Variants in ADORA2B observed in about 807,000 individuals in gnomAD.
ADORA2B encodes the protein adenosine receptor A2b.
In ADORA2B, 18 loss-of-function variants were observed where a neutral mutation model predicts 20.8. That is an observed-to-expected ratio of 0.87 (90% CI 0.60 to 1.29). The LOEUF (loss-of-function observed/expected upper bound fraction) is 1.29, where lower values mean the gene tolerates loss of function less well. Among genes scored for constraint, ADORA2B ranks in the 50% most tolerant of loss-of-function variants. The pLI is 0.00. For synonymous variants in ADORA2B, 179 were observed against 178.3 expected, an observed-to-expected ratio of 1.00 and a Z score of -0.03; for missense variants, 441 against 422.7, an observed-to-expected ratio of 1.04 and a Z score of -0.38.
chr17:15,862,201 CTTTTCTTTTCTTTTT>C, the ADORA2B span, among the ~76,000 whole-genome samples: 1 of 121,486 alleles, frequency 8.2e-6, no homozygotes, highest in Non-Finnish European at 1.6e-5. Context: ...TTTTTCTTTT[CTTTTCTTTTCTTTTT>C]TTTTTTTTTT....
At chr17:15,874,054 A>ATG in the ADORA2B span, among the ~76,000 whole-genome samples, 6 of 118,246 alleles carry the variant, frequency 5.1e-5, no homozygotes, top group African/African-American at 2.1e-4. Context: ...ATATATATAT[A>ATG]TATATGTGTG....
the ADORA2B span, among the ~76,000 whole-genome samples, chr17:15,879,568 T>C: frequency 9.6e-3 from 1,454 of 150,896 alleles, 30 homozygotes; most frequent in African/African-American, 0.033. Flanking sequence ...GACGGAGTCT[T>C]GCTCTGTCAC....
the ADORA2B span, among the ~76,000 whole-genome samples, chr17:15,880,117 G>A: frequency 2.8e-5 from 4 of 143,986 alleles, no homozygotes; most frequent in Non-Finnish European, 6.1e-5. Flanking sequence ...TCTGAGGCCC[G>A]CCATCGACCC....
the ADORA2B span, among the ~76,000 whole-genome samples, chr17:15,918,553 C>G: frequency 3.9e-5 from 6 of 152,178 alleles, no homozygotes; most frequent in African/African-American, 1.2e-4. Context: ...CTCACTGCAA[C>G]CTCCGCCTTC....
At chr17:15,920,473 A>C in the ADORA2B span, among the ~76,000 whole-genome samples, 1 of 152,230 alleles carries the variant, frequency 6.6e-6, no homozygotes, top group South Asian at 2.1e-4. Flanking sequence ...CTGTAATCCC[A>C]GCACTTTGGG....
chr17:15,905,135 G>T, the ADORA2B span, among the ~76,000 whole-genome samples: 1 of 152,248 alleles, frequency 6.6e-6, no homozygotes, highest in Admixed American at 6.5e-5. Flanking sequence ...ACTGACACCT[G>T]AACAGTGTTC....
At chr17:15,905,765 C>T in the ADORA2B span, among the ~76,000 whole-genome samples, 1 of 152,140 alleles carries the variant, frequency 6.6e-6, no homozygotes, top group Non-Finnish European at 1.5e-5. Context: ...AAGCAATTCT[C>T]CTGCCTCAGC....
chr17:15,857,201 G>A, the ADORA2B span, among the ~76,000 whole-genome samples: 1 of 152,248 alleles, frequency 6.6e-6, no homozygotes, highest in Non-Finnish European at 1.5e-5. Context: ...TCCATGTGGT[G>A]TTGGGCCTGT....
the ADORA2B span, among the ~76,000 whole-genome samples, chr17:15,900,185 T>C: frequency 6.6e-6 from 1 of 152,230 alleles, no homozygotes; most frequent in Non-Finnish European, 1.5e-5. Flanking sequence ...TGATTCCATG[T>C]CTTTGCTATT....
chr17:15,931,913 G>A, the ADORA2B span, among the ~76,000 whole-genome samples: 1 of 151,666 alleles, frequency 6.6e-6, no homozygotes, highest in Non-Finnish European at 1.5e-5. Context: ...TGTATTTTTA[G>A]TAGAGATGGG....
chr17:15,875,097 C>T, the ADORA2B span, among the ~76,000 whole-genome samples: 2 of 151,970 alleles, frequency 1.3e-5, no homozygotes, highest in Non-Finnish European at 2.9e-5. Context: ...TTTGCATGTT[C>T]TTCTTTTTTC....
At chr17:15,955,015 T>A (rs1969949396) in intron 1 of ADORA2B, among the ~76,000 whole-genome samples, 1 of 152,188 alleles carries the variant, frequency 6.6e-6, no homozygotes, top group Non-Finnish European at 1.5e-5. Flanking sequence ...TTTTTTTCAT[T>A]GAGGATGGCA....
chr17:15,926,717 A>G, the ADORA2B span, among the ~76,000 whole-genome samples: 2 of 152,132 alleles, frequency 1.3e-5, no homozygotes, highest in African/African-American at 4.8e-5. Context: ...ATTTCTAAAC[A>G]GTTTTTTTGT....
At chr17:15,913,061 C>T in the ADORA2B span, among the ~76,000 whole-genome samples, 1 of 152,214 alleles carries the variant, frequency 6.6e-6, no homozygotes, top group Non-Finnish European at 1.5e-5. Context: ...AGGCTCCCAA[C>T]GTGCCCCCTG....
At chr17:15,883,333 G>A in the ADORA2B span, among the ~76,000 whole-genome samples, 11 of 152,142 alleles carry the variant, frequency 7.2e-5, no homozygotes, top group Non-Finnish European at 1.5e-4. Flanking sequence ...ACATTATAAT[G>A]TGAACAAAAT....
chr17:15,916,563 G>A, the ADORA2B span, among the ~76,000 whole-genome samples: 1 of 152,048 alleles, frequency 6.6e-6, no homozygotes, highest in African/African-American at 2.4e-5. Context: ...CTCCTGCGTC[G>A]GTAATTAGAA....
At chr17:15,878,867 T>C in the ADORA2B span, among the ~76,000 whole-genome samples, 1 of 152,210 alleles carries the variant, frequency 6.6e-6, no homozygotes, top group Non-Finnish European at 1.5e-5. Flanking sequence ...AACTTATTTA[T>C]GTAATTAATA....
rs145290404 is a variant in ADORA2B, at chr17:15,950,887, TTACCGCCA to T, written c.335+5306_335+5313del. On this transcript the variant is annotated intron_variant, in intron 1 of 1. Transcript: ENST00000304222. ...GAGGCTTCTCAGCCACTGCATTGGT[TTACCGCCA>T]TCTCTAGTTATCCCATTAAACCATG... Among the ~76,000 whole-genome samples, 873 of 152,340 alleles carry T rather than the reference TTACCGCCA, an allele frequency of 5.7e-3. 12 individuals carry two copies. The highest frequency in any genetic ancestry group is 0.019 in the African/African-American group (810 of 41,568).
In ADORA2B at chr17:15,975,601, A is replaced by G. The variant is rs1970247327; in HGVS notation, c.*259A>G. The G allele has an allele frequency of 4.5e-6, 2 of 443,252 alleles. No individual in the cohort carries two copies. Among genetic ancestry groups the G allele is most frequent in the Admixed American group, 4.0e-5 (1 of 25,148 alleles). The allele number at this position is 443,252 out of a possible 1,614,324, so 27.5% of individuals were successfully genotyped here. A position where few individuals can be genotyped will look rare whatever the true frequency, so the allele number is the denominator to read the frequency against. ...CAACAGCTTGAATGGATTCTAACAG[A>G]CTCTTTTGTTTTTAAAAGTCTGCCT... On this transcript the variant is annotated 3_prime_UTR_variant, in exon 2 of 2. Transcript: ENST00000304222.
Sources: allele counts gnomAD v4.1 joint callset (sites outside exome capture counted in the v4.1 genomes callset), GRCh38; gene constraint gnomAD v4.1.1; transcripts MANE v1.5; gene names NCBI Gene and HGNC (gene_info 2026-07-23, HGNC 2026-07-21).